Variants in METTL22 observed in about 807,000 individuals in gnomAD.
The protein encoded by METTL22 is methyltransferase-like protein 22.
In METTL22, 51 loss-of-function variants were observed where a neutral mutation model predicts 48.4. That is an observed-to-expected ratio of 1.05 (90% CI 0.84 to 1.33). The LOEUF is 1.33. Among genes scored for constraint, METTL22 ranks in the 40% most tolerant of loss-of-function variants. The pLI, the probability that METTL22 is intolerant of heterozygous loss-of-function variation, is 0.00. For synonymous variants in METTL22, 255 were observed against 214.1 expected (o/e 1.19, Z -1.67); for missense variants, 678 against 526.9 (o/e 1.29, Z -2.81).
At chr16:8,653,350 T>C (rs1730975), downstream of METTL22, among the ~76,000 whole-genome samples, 150,487 of 152,280 alleles carry the variant, frequency 0.99, 74,389 homozygotes, top group Middle Eastern at 1. Flanking sequence ...GAAAGAGACC[T>C]ATGGAGTTGG....
chr16:8,641,683 G>A (rs1035695501), intron 7 of METTL22: 6 of 383,724 alleles, frequency 1.6e-5, no homozygotes, highest in East Asian at 6.7e-5. Context: ...GGGAAAAGTC[G>A]TTCCTTGAGT....
chr16:8,660,803 GAGGAGGAGGAGGAGGAGGAGGAGGA>G, the METTL22 span, among the ~76,000 whole-genome samples: 258 of 19,630 alleles, frequency 0.013, 5 homozygotes, highest in South Asian at 0.024. Flanking sequence ...GGAGGAGGAG[GAGGAGGAGGAGGAGGAGGAGGAGGA>G]GGGGGAGGAG....
In METTL22 at chr16:8,644,448, G is replaced by T. The variant is rs115811334; in HGVS notation, c.1011-109G>T. On this transcript the variant is annotated intron_variant, in intron 9 of 10. Coordinates refer to ENST00000381920, the MANE Select transcript of METTL22 (RefSeq NM_024109.4). ...TGAGACAGGCGCTCAGTAAAAGCCC[G>T]TCCAGGGGATATGAGATCAGTGAGG... is the stretch of plus-strand genomic sequence containing the variant. 2.6e-6 allele frequency: 3 copies of T among 1,147,436 alleles called. No homozygotes were observed. The East Asian group carries it at 7.9e-5, about 30-fold the overall frequency. 71.1% of individuals were successfully genotyped at this position (1,147,436 alleles called of 1,614,324 possible).
chr16:8,644,686 C>T lies in METTL22; in HGVS notation c.1140C>T (p.Ser380=). The T allele has an allele frequency of 6.2e-7, 1 of 1,603,916 alleles. No homozygotes were observed. The highest frequency in any genetic ancestry group is 8.5e-7 in the Non-Finnish European group (1 of 1,175,028). ...LRFVVEPVEA[S]FPQLLVYERL... is the part of the protein sequence containing the mutation. ...TCGTGGTGGAGCCCGTGGAGGCCTC[C>T]TTCCCACAGCTCCTGGTTTACGAGC... is the stretch of plus-strand genomic sequence containing the variant. The change falls in exon 10 of 11, where the codon TCC becomes TCT. Residue 380 remains serine (S), a synonymous_variant. Transcript: ENST00000381920.
intron 6 of METTL22, among the ~76,000 whole-genome samples, 181 bp from the exon 7 acceptor site, chr16:8,640,938 ATGGATGGGTGGG>A (rs1191908249): frequency 1.8e-4 from 3 of 16,276 alleles, no homozygotes; most frequent in African/African-American, 3.3e-4. Flanking sequence ...GGATGGATGG[ATGGATGGGTGGG>A]TGGATGGCTG....
At position 8,638,702 on chromosome 16, in the gene METTL22, T is replaced by C. The variant is rs561665970; in HGVS notation, c.701-389T>C. Among the ~76,000 whole-genome samples, 10 of 152,296 alleles carry C rather than the reference T, an allele frequency of 6.6e-5. No homozygotes were observed. In the South Asian group the frequency reaches 2.1e-3, roughly 32 times the overall value. The stretch of plus-strand genomic sequence containing the variant: ...CTGGATCAAATCCCAACTCTTGCTC[T>C]CAATAGCTGCATGACTTTGCTCAAG... On this transcript the variant is annotated intron_variant, in intron 5 of 10. Coordinates refer to ENST00000381920, the MANE Select transcript of METTL22 (RefSeq NM_024109.4).
chr16:8,624,096 TC>T (rs2055956185), intron 1 of METTL22: 1 of 152,244 alleles, frequency 6.6e-6, no homozygotes, highest in African/African-American at 2.4e-5. Flanking sequence ...GAAGTGATTT[TC>T]CTGAAATCAC....
At chr16:8,642,241 T>G in intron 8 of METTL22, 34 bp downstream of exon 8, 2 of 1,569,976 alleles carry the variant, frequency 1.3e-6, no homozygotes, top group Non-Finnish European at 8.8e-7. Flanking sequence ...TACACGTCCT[T>G]TGTTGTAGCA....
At chr16:8,659,348 A>T in the METTL22 span, among the ~76,000 whole-genome samples, 2 of 151,810 alleles carry the variant, frequency 1.3e-5, no homozygotes, top group Non-Finnish European at 2.9e-5. Context: ...AACAAAAAAA[A>T]CTTGGTATGA....
downstream of METTL22, among the ~76,000 whole-genome samples, chr16:8,652,058 C>T (rs987249240): frequency 1.1e-4 from 16 of 152,300 alleles, no homozygotes; most frequent in African/African-American, 3.6e-4. Context: ...ATGCTTTATC[C>T]TGCTGATCCC....
intron 3 of METTL22, among the ~76,000 whole-genome samples, chr16:8,629,403 T>A (rs2056178774): frequency 6.6e-6 from 1 of 152,186 alleles, no homozygotes; most frequent in Admixed American, 6.5e-5. Context: ...AGTTTCCAGC[T>A]CAGCCACACC....
Position 8,635,462 on chromosome 16 carries a change from A to AT in METTL22, c.700+153dup, listed in dbSNP as rs1275293971. ...GGTCCCCTGGCCCTCTCCACTCTCCATTTATTCTCAGTGACATCAAAATGA... is the reference window on the plus strand; with the variant it reads ...GGTCCCCTGGCCCTCTCCACTCTCCATTTTATTCTCAGTGACATCAAAATGA... On this transcript the variant is annotated intron_variant, in intron 5 of 10. Coordinates refer to ENST00000381920, the MANE Select transcript of METTL22 (RefSeq NM_024109.4). 45 of 908,960 alleles carry AT rather than the reference A, an allele frequency of 5.0e-5. No homozygotes were observed. The African/African-American group carries it at 6.5e-4, about 13-fold the overall frequency. The allele number at this position is 908,960 out of a possible 1,614,324, so 56.3% of individuals were successfully genotyped here.
In METTL22 at chr16:8,635,225, C is replaced by T. The variant is rs573768949; in HGVS notation, c.613C>T (p.Arg205Ter). ...CATCCTGTTCCGACAGGACCTCTTC[C>T]GAGGATGTACAGCGCTGGAGCTCGG... The part of the protein sequence containing the change: ...DYILFRQDLF[R>*]GCTALELGAG... The change falls in exon 5 of 11, where the codon CGA becomes TGA. Residue 205 changes from arginine (R) to a stop codon, truncating the protein, a stop_gained. Coordinates refer to ENST00000381920, the MANE Select transcript of METTL22 (RefSeq NM_024109.4). LOFTEE classifies it high-confidence loss of function. The T allele has an allele frequency of 2.8e-5, 45 of 1,611,498 alleles. No individual in the cohort carries two copies. The highest frequency in any genetic ancestry group is 1.2e-4 in the Admixed American group (7 of 59,910).
chr16:8,622,907 G>A (rs2055903465), intron 1 of METTL22, among the ~76,000 whole-genome samples: 1 of 152,210 alleles, frequency 6.6e-6, no homozygotes, highest in East Asian at 1.9e-4. Context: ...TAGAGATTAA[G>A]AATTTGAGTT....
At chr16:8,661,437 G>C in the METTL22 span, among the ~76,000 whole-genome samples, 6 of 147,846 alleles carry the variant, frequency 4.1e-5, no homozygotes, top group South Asian at 1.3e-3. Context: ...ACGAGGTCAG[G>C]AGATCGAGAC....
intron 2 of METTL22, among the ~76,000 whole-genome samples, chr16:8,627,452 C>A (rs2056099458): frequency 6.6e-6 from 1 of 152,112 alleles, no homozygotes; most frequent in East Asian, 1.9e-4. Flanking sequence ...AGTATCATCT[C>A]CACAGACAGC....
chr16:8,640,652 G>T (rs1229091538), intron 6 of METTL22, among the ~76,000 whole-genome samples: 1 of 68,258 alleles, frequency 1.5e-5, no homozygotes, highest in African/African-American at 6.0e-5. Flanking sequence ...ATGGGAGGGA[G>T]GGAGGGAAGG....
intron 8 of METTL22, 91 bp from the exon 9 acceptor site, chr16:8,642,372 A>G: frequency 1.5e-6 from 2 of 1,325,822 alleles, no homozygotes; most frequent in Non-Finnish European, 2.2e-6. Flanking sequence ...CCGTGGTGAT[A>G]AGCATTCTCT....
chr16:8,662,325 C>T, the METTL22 span, among the ~76,000 whole-genome samples: 1 of 145,544 alleles, frequency 6.9e-6, no homozygotes, highest in East Asian at 2.0e-4. Flanking sequence ...GAGCTCTTTC[C>T]ATGACCCCTG....
Sources: gnomAD v4.1 joint callset for allele counts (sites outside exome capture counted in the v4.1 genomes callset) on GRCh38, gnomAD v4.1.1 for gene constraint, MANE v1.5 for transcripts, NCBI Gene and HGNC (gene_info 2026-07-23, HGNC 2026-07-21) for gene names.